The following VPS13A variants were observed in gnomAD, a reference collection of about 807,000 sequenced individuals.
The protein encoded by VPS13A is vacuolar protein sorting 13 homolog A.
Under a neutral mutation model 390.9 loss-of-function variants are expected in VPS13A, and 264 were observed. That is an observed-to-expected ratio of 0.68 (90% confidence interval 0.61 to 0.75). The LOEUF (loss-of-function observed/expected upper bound fraction) is 0.75. Among genes scored for constraint, VPS13A ranks in the 30% least tolerant of loss-of-function variants. VPS13A has a pLI of 0.00. For synonymous variants in VPS13A, 1,231 were observed against 1,227.1 expected, an observed-to-expected ratio of 1.00 and a Z score of -0.07; for missense variants, 3,409 against 3,733.9, an observed-to-expected ratio of 0.91 and a Z score of 2.27.
chr9:77,274,751 A>G (rs913344482), intron 24 of VPS13A, among the ~76,000 whole-genome samples: 1 of 152,070 alleles, frequency 6.6e-6, no homozygotes, highest in African/African-American at 2.4e-5. Flanking sequence ...AAATAACAGA[A>G]ACTGCCATGT....
intron 31 of VPS13A, among the ~76,000 whole-genome samples, chr9:77,288,958 G>A (rs1323677576): frequency 2.0e-5 from 3 of 152,282 alleles, no homozygotes; most frequent in African/African-American, 4.8e-5. Context: ...ATTATGTGAT[G>A]TGTCTTTTTA....
At chr9:77,199,798 GATA>G (rs747022718) in intron 1 of VPS13A, 144 bp from the exon 2 acceptor site, 71 of 608,206 alleles carry the variant, frequency 1.2e-4, no homozygotes, top group Non-Finnish European at 1.8e-4. Flanking sequence ...ATGAAGGTGA[GATA>G]ATAAGATTAT....
rs1590019945 is a variant in VPS13A at position 77,219,980 on chromosome 9, A to G, written c.781A>G (p.Lys261Glu). The change falls in exon 11 of 72, where the codon AAA becomes GAA. Residue 261 changes from lysine (K) to glutamate (E), a missense_variant. Lys to Glu is a moderately conservative substitution (Grantham distance 56). Transcript: ENST00000360280. ...ATTTCGTCCCATATCTGCTAATGCC[A>G]AACTTGTGATGAATCGCCGATCTGA... ...FVFRPISANA[K>E]LVMNRRSDFD... The G allele has an allele frequency of 6.2e-7, 1 of 1,613,598 alleles. No homozygotes were observed. Among genetic ancestry groups the G allele is most frequent in the Non-Finnish European group, 8.5e-7 (1 of 1,179,694 alleles).
chr9:77,341,304 T>C (rs1168250445), intron 50 of VPS13A, among the ~76,000 whole-genome samples: 1 of 152,084 alleles, frequency 6.6e-6, no homozygotes, highest in African/African-American at 2.4e-5. Context: ...TTATGGGAGC[T>C]CTGTTTTCAC....
chr9:77,190,710 G>A lies in VPS13A; in HGVS notation c.101-9235G>A, dbSNP rs373501868. On this transcript the variant is annotated intron_variant, in intron 1 of 71. Transcript: ENST00000360280. ...TTTGGTTATGAATCCATCTGGTCCA[G>A]GGCTTTTTCTGGTTGGTAGACTTTT... is the stretch of plus-strand genomic sequence containing the variant. Among the ~76,000 whole-genome samples the A allele has an allele frequency of 4.6e-5, 7 of 152,138 alleles. 1 individual carries two copies. Among genetic ancestry groups the A allele is most frequent in the Admixed American group, 4.6e-4 (7 of 15,266 alleles).
chr9:77,262,589 C>T (rs916118888), intron 23 of VPS13A, among the ~76,000 whole-genome samples: 6 of 152,066 alleles, frequency 3.9e-5, no homozygotes, highest in Non-Finnish European at 5.9e-5. Context: ...CCCTAGCCCC[C>T]GACCCCTCGA....
intron 67 of VPS13A, among the ~76,000 whole-genome samples, chr9:77,377,216 T>TGTTTTTTTTG (rs575215905): frequency 7.7e-6 from 1 of 130,354 alleles, no homozygotes. Flanking sequence ...TTTTTTTTTT[T>TGTTTTTTTTG]TTTTTTTTTT....
chr9:77,224,205 A>G (rs536558301), intron 13 of VPS13A, among the ~76,000 whole-genome samples: 23 of 152,238 alleles, frequency 1.5e-4, no homozygotes, highest in Non-Finnish European at 2.8e-4. Context: ...AGATATACAA[A>G]GAGATGAATG....
intron 32 of VPS13A, 129 bp downstream of exon 32, chr9:77,293,637 ATTTATTATACATAATAAATGTGTAG>A (rs1827804706): frequency 2.2e-6 from 1 of 461,702 alleles, no homozygotes; most frequent in Non-Finnish European, 3.5e-6. Context: ...TCTGGGTACC[ATTTATTATACATAATAAATGTGTAG>A]TTCCTTATTT....
In VPS13A at chr9:77,220,339, G is replaced by A. The variant is rs1302687992; in HGVS notation, c.945G>A (p.Arg315=). The change falls in exon 12 of 72, where the codon AGG becomes AGA. Residue 315 remains arginine, a synonymous_variant. Transcript: ENST00000360280. The stretch of plus-strand genomic sequence containing the variant: ...TGATGGCACAAAATCTGCCATATAG[G>A]AAGTTCAAACCTGATGTGCCTCTTC... ...VDMMAQNLPY[R]KFKPDVPLHH... is the part of the protein sequence containing the mutation. 2 of 1,612,182 alleles carry A rather than the reference G, an allele frequency of 1.2e-6. No individual in the cohort carries two copies. Among genetic ancestry groups the A allele is most frequent in the Admixed American group, 1.7e-5 (1 of 59,892 alleles).
At chr9:77,260,760 C>G (rs1825714186) in intron 23 of VPS13A, among the ~76,000 whole-genome samples, 1 of 151,920 alleles carries the variant, frequency 6.6e-6, no homozygotes, top group African/African-American at 2.4e-5. Context: ...GCCTCCAATC[C>G]CTCTCCTGAG....
At chr9:77,282,303 T>TA (rs1491340352) in intron 29 of VPS13A, 29 bp downstream of exon 29, 1 of 324,332 alleles carries the variant, frequency 3.1e-6, no homozygotes, top group East Asian at 9.2e-5. Flanking sequence ...TAGCATCAAC[T>TA]TTTTTTTTTT....
chr9:77,363,806 T>G (rs1832284563), intron 59 of VPS13A, among the ~76,000 whole-genome samples: 1 of 152,210 alleles, frequency 6.6e-6, no homozygotes, highest in Non-Finnish European at 1.5e-5. Flanking sequence ...ATGTTATAAG[T>G]GAAATTAGTT....
chr9:77,248,289 C>G (rs1284178158), intron 20 of VPS13A, among the ~76,000 whole-genome samples: 2 of 151,322 alleles, frequency 1.3e-5, no homozygotes, highest in African/African-American at 2.4e-5. Flanking sequence ...GATCTCGGCT[C>G]ACTGCAAGCT....
chr9:77,219,975 A>T lies in VPS13A; in HGVS notation c.776A>T (p.Asn259Ile). The T allele has an allele frequency of 6.2e-7, 1 of 1,613,620 alleles. No individual in the cohort carries two copies. Among genetic ancestry groups the T allele is most frequent in the Non-Finnish European group, 8.5e-7 (1 of 1,179,698 alleles). ...TCAGTATTTCGTCCCATATCTGCTA[A>T]TGCCAAACTTGTGATGAATCGCCGA... Reference protein sequence around the residue: ...YDFVFRPISANAKLVMNRRSD... With the variant: ...YDFVFRPISAIAKLVMNRRSD... Residue 259 changes from asparagine to isoleucine, a missense_variant, in exon 11 of 72, where the codon AAT (asparagine) becomes ATT (isoleucine). Coordinates refer to ENST00000360280, the MANE Select transcript of VPS13A (RefSeq NM_033305.3).
chr9:77,409,793 T>C lies in VPS13A; in HGVS notation c.9474+2186T>C, dbSNP rs1034510686. Reference sequence around the variant, plus strand: ...AAAGCCTCCAAGAAATATGGGACTATGTGAAAAGACCAAATCTACGTCTGA... The same window carrying C: ...AAAGCCTCCAAGAAATATGGGACTACGTGAAAAGACCAAATCTACGTCTGA... On this transcript the variant is annotated intron_variant, in intron 71 of 71. Transcript: ENST00000360280. Among the ~76,000 whole-genome samples, 12 of 151,206 alleles carry C rather than the reference T, an allele frequency of 7.9e-5. 1 individual carries two copies. Among genetic ancestry groups the C allele is most frequent in the Admixed American group, 1.3e-4 (2 of 15,192 alleles).
In VPS13A at chr9:77,324,834, A is replaced by G. The variant is rs75461432; in HGVS notation, c.5991+1607A>G. 8.5e-3 allele frequency among the ~76,000 whole-genome samples: 1,286 copies of G among 151,866 alleles called. 10 individuals are homozygous for G. The highest frequency in any genetic ancestry group is 0.014 in the South Asian group (67 of 4,808). Reference sequence around the variant, plus strand: ...AAGGACTGTAGGTGCACACCACCACACCTATTCTCCCATCTTGCTCCGCCT... The same window carrying G: ...AAGGACTGTAGGTGCACACCACCACGCCTATTCTCCCATCTTGCTCCGCCT... On this transcript the variant is annotated intron_variant, in intron 45 of 71. Coordinates refer to ENST00000360280, the MANE Select transcript of VPS13A (RefSeq NM_033305.3).
At chr9:77,200,064 C>G (rs974574402) in intron 2 of VPS13A, 76 bp downstream of exon 2, 3 of 1,282,324 alleles carry the variant, frequency 2.3e-6, no homozygotes, top group Admixed American at 2.2e-5. Flanking sequence ...CAGTTTGTCA[C>G]CTTAAATTAT....
At chr9:77,306,401 A>AGAGAGAGTGTGTGTGTGT (rs550279922) in intron 34 of VPS13A, among the ~76,000 whole-genome samples, 157 of 107,770 alleles carry the variant, frequency 1.5e-3, no homozygotes, top group African/African-American at 5.0e-3. Context: ...AGAGAGAGAG[A>AGAGAGAGTGTGTGTGTGT]GTGTGTGTGT....
Sources: gnomAD v4.1 joint callset for allele counts (sites outside exome capture counted in the v4.1 genomes callset) on GRCh38, gnomAD v4.1.1 for gene constraint, MANE v1.5 for transcripts, NCBI Gene and HGNC (gene_info 2026-07-23, HGNC 2026-07-21) for gene names.